Variants in STXBP5L observed in about 807,000 individuals in gnomAD.
The protein encoded by STXBP5L is syntaxin binding protein 5L, also known as syntaxin-binding protein 5-like.
Under a neutral mutation model 144.5 loss-of-function variants are expected in STXBP5L, and 65 were observed. The observed-to-expected ratio is 0.45, with a 90% confidence interval of 0.37 to 0.55. The LOEUF is 0.55. Among genes scored for constraint, STXBP5L ranks in the 20% least tolerant of loss-of-function variants. The probability of loss-of-function intolerance (pLI) is 0.00; values close to 1 mark genes in which losing one functional copy is unlikely to be tolerated. For missense variants in STXBP5L, 1,298 were observed against 1,405.5 expected (o/e 0.92, Z 1.22); for synonymous variants, 505 against 469.6 (o/e 1.08, Z -0.97).
intron 20 of STXBP5L, among the ~76,000 whole-genome samples, chr3:121,321,500 C>A (rs928920705): frequency 1.3e-5 from 2 of 152,146 alleles, no homozygotes; most frequent in African/African-American, 4.8e-5. Flanking sequence ...GCCACACATA[C>A]ACCTAAAACT....
At chr3:121,264,302 C>T (rs564237796) in intron 18 of STXBP5L, among the ~76,000 whole-genome samples, 33 of 152,240 alleles carry the variant, frequency 2.2e-4, no homozygotes, top group Admixed American at 3.3e-4. Context: ...ACAAGAGCTC[C>T]TGAGGAAAGC....
chr3:121,367,752 G>A (rs993269458), intron 20 of STXBP5L, among the ~76,000 whole-genome samples: 1 of 148,158 alleles, frequency 6.7e-6, no homozygotes, highest in Non-Finnish European at 1.5e-5. Flanking sequence ...GGGACTGTAG[G>A]CATTTGCCAC....
intron 3 of STXBP5L, among the ~76,000 whole-genome samples, chr3:121,016,674 G>T (rs1039345296): frequency 6.6e-6 from 1 of 152,168 alleles, no homozygotes; most frequent in African/African-American, 2.4e-5. Flanking sequence ...AGAAGAAAGA[G>T]TGAGCAAAAC....
chr3:121,333,407 C>T (rs1297967695), intron 20 of STXBP5L, among the ~76,000 whole-genome samples: 1 of 151,782 alleles, frequency 6.6e-6, no homozygotes, highest in African/African-American at 2.4e-5. Flanking sequence ...GCACTAAATA[C>T]CCACATCAAA....
intron 9 of STXBP5L, among the ~76,000 whole-genome samples, chr3:121,181,209 G>A (rs1268229404): frequency 1.3e-5 from 2 of 151,770 alleles, no homozygotes; most frequent in African/African-American, 4.8e-5. Flanking sequence ...TCACGTCTCA[G>A]TACTAACATT....
intron 3 of STXBP5L, among the ~76,000 whole-genome samples, chr3:120,958,477 A>G (rs1390142503): frequency 2.0e-5 from 3 of 151,298 alleles, no homozygotes; most frequent in East Asian, 1.9e-4. Context: ...TTAGACCAGT[A>G]TCCCTGATGA....
At chr3:121,297,836 G>A (rs1476790677) in intron 19 of STXBP5L, among the ~76,000 whole-genome samples, 1 of 152,098 alleles carries the variant, frequency 6.6e-6, no homozygotes, top group African/African-American at 2.4e-5. Flanking sequence ...GTGAAACGCT[G>A]AAAAAGAACC....
intron 20 of STXBP5L, among the ~76,000 whole-genome samples, chr3:121,351,533 G>A (rs1392766307): frequency 1.3e-5 from 2 of 151,982 alleles, no homozygotes; most frequent in African/African-American, 4.8e-5. Context: ...TTTTTGATGG[G>A]GTTGTTTGTT....
At chr3:121,136,189 C>T (rs1217296305) in intron 7 of STXBP5L, among the ~76,000 whole-genome samples, 1 of 152,108 alleles carries the variant, frequency 6.6e-6, no homozygotes, top group Non-Finnish European at 1.5e-5. Flanking sequence ...CCAGGCAGCA[C>T]AGCACAGAGA....
intron 19 of STXBP5L, among the ~76,000 whole-genome samples, chr3:121,299,920 C>G (rs2051818513): frequency 6.9e-6 from 1 of 144,474 alleles, no homozygotes. Context: ...GCAGAGGTTG[C>G]AGTGAGCCAT....
At chr3:121,216,841 C>G (rs2048794497) in intron 10 of STXBP5L, among the ~76,000 whole-genome samples, 1 of 152,162 alleles carries the variant, frequency 6.6e-6, no homozygotes, top group South Asian at 2.1e-4. Context: ...TCTATAAGCC[C>G]TGACTGGGGC....
intron 3 of STXBP5L, among the ~76,000 whole-genome samples, chr3:120,979,848 G>A (rs1941562080): frequency 6.6e-6 from 1 of 152,106 alleles, no homozygotes; most frequent in Non-Finnish European, 1.5e-5. Flanking sequence ...TCTTTTTAAG[G>A]TAGGCATTTA....
intron 11 of STXBP5L, among the ~76,000 whole-genome samples, chr3:121,223,724 T>A (rs1336273335): frequency 6.6e-6 from 1 of 152,142 alleles, no homozygotes; most frequent in African/African-American, 2.4e-5. Context: ...ATACTGAATA[T>A]AAAGACTTTT....
At chr3:121,091,350 C>A (rs974254298) in intron 5 of STXBP5L, among the ~76,000 whole-genome samples, 1 of 149,284 alleles carries the variant, frequency 6.7e-6, no homozygotes, top group African/African-American at 2.5e-5. Context: ...TGAGGAATCG[C>A]CACACTGACT....
chr3:120,941,777 C>G (rs1260896845), intron 2 of STXBP5L, among the ~76,000 whole-genome samples: 3 of 151,616 alleles, frequency 2.0e-5, no homozygotes, highest in African/African-American at 7.3e-5. Context: ...AAATGGAAGG[C>G]ATGATGTCTG....
chr3:121,211,282 C>A (rs573761891), intron 10 of STXBP5L, among the ~76,000 whole-genome samples: 1 of 152,216 alleles, frequency 6.6e-6, no homozygotes, highest in Admixed American at 6.5e-5. Flanking sequence ...GATTTTTTAT[C>A]CTGAGACTTT....
At chr3:121,075,041 G>A (rs558106465) in intron 5 of STXBP5L, among the ~76,000 whole-genome samples, 2 of 152,208 alleles carry the variant, frequency 1.3e-5, no homozygotes, top group Non-Finnish European at 2.9e-5. Flanking sequence ...CCTCCATTGA[G>A]ACCATAGGCT....
intron 19 of STXBP5L, among the ~76,000 whole-genome samples, chr3:121,310,400 G>A (rs1296041294): frequency 2.6e-5 from 4 of 152,178 alleles, no homozygotes; most frequent in Admixed American, 6.5e-5. Flanking sequence ...CACGAGGTCA[G>A]GAGATTGAGA....
intron 22 of STXBP5L, among the ~76,000 whole-genome samples, chr3:121,383,190 A>C (rs905522901): frequency 6.6e-6 from 1 of 152,114 alleles, no homozygotes; most frequent in African/African-American, 2.4e-5. Flanking sequence ...TAATCCCAGC[A>C]CTTTGGGAGG....
Sources: gnomAD v4.1 joint callset for allele counts (sites outside exome capture counted in the v4.1 genomes callset) on GRCh38, gnomAD v4.1.1 for gene constraint, MANE v1.5 for transcripts, NCBI Gene and HGNC (gene_info 2026-07-23, HGNC 2026-07-21) for gene names.